The following MTUS2 variants were observed in gnomAD, a reference collection of about 807,000 sequenced individuals.
MTUS2 encodes microtubule-associated tumor suppressor candidate 2.
MTUS2 carries 40 observed loss-of-function variants against 114.1 expected under a neutral mutation model. The observed-to-expected ratio is 0.35, with a 90% CI of 0.27 to 0.46. The LOEUF is 0.46. Among genes scored for constraint, MTUS2 ranks in the 20% least tolerant of loss-of-function variants. The pLI is 1.00. For synonymous variants in MTUS2, 688 were observed against 672.0 expected, an observed-to-expected ratio of 1.02 and a Z score of -0.37; for missense variants, 1,679 against 1,705.4, an observed-to-expected ratio of 0.98 and a Z score of 0.27.
At chr13:29,203,333 A>G (rs1895040117) in intron 5 of MTUS2, among the ~76,000 whole-genome samples, 1 of 152,108 alleles carries the variant, frequency 6.6e-6, no homozygotes. Context: ...CACCTACTCA[A>G]GCCTCAGTAA....
At chr13:29,120,404 A>G (rs1361154942) in intron 5 of MTUS2, among the ~76,000 whole-genome samples, 4 of 152,074 alleles carry the variant, frequency 2.6e-5, no homozygotes, top group African/African-American at 9.7e-5. Flanking sequence ...TTTAAATGGA[A>G]AAAATCAGAA....
chr13:28,872,258 A>T (rs1877661211), intron 2 of MTUS2, among the ~76,000 whole-genome samples: 1 of 152,114 alleles, frequency 6.6e-6, no homozygotes, highest in South Asian at 2.1e-4. Context: ...TGATGAATTC[A>T]TGGGGGGTGT....
chr13:29,426,021 T>A (rs1876496204), intron 8 of MTUS2, among the ~76,000 whole-genome samples: 1 of 152,228 alleles, frequency 6.6e-6, no homozygotes, highest in Admixed American at 6.5e-5. Context: ...GGAAGACGAC[T>A]GAGCTGGAAG....
intron 2 of MTUS2, among the ~76,000 whole-genome samples, chr13:28,986,874 G>T (rs1884611386): frequency 1.3e-5 from 2 of 152,168 alleles, no homozygotes; most frequent in African/African-American, 4.8e-5. Flanking sequence ...CATTGCAAGT[G>T]TTCAGTGGCT....
intron 4 of MTUS2, among the ~76,000 whole-genome samples, chr13:29,043,574 A>AT (rs956133104): frequency 9.5e-4 from 143 of 149,750 alleles, no homozygotes; most frequent in Middle Eastern, 3.5e-3. Flanking sequence ...GTCATATGTC[A>AT]TTTTTTTTAG....
At chr13:29,266,342 C>T (rs1897666484) in intron 5 of MTUS2, among the ~76,000 whole-genome samples, 1 of 152,212 alleles carries the variant, frequency 6.6e-6, no homozygotes, top group South Asian at 2.1e-4. Context: ...GAGCCAAGAT[C>T]TGAACCCAAG....
Position 28,905,095 on chromosome 13 carries a change from C to T in MTUS2, c.-243+65245C>T, listed in dbSNP as rs899781769. Among the ~76,000 whole-genome samples, 35 of 151,718 alleles carry T rather than the reference C, an allele frequency of 2.3e-4. 1 individual carries two copies. Among genetic ancestry groups the T allele is most frequent in the African/African-American group, 7.8e-4 (32 of 41,192 alleles). On this transcript the variant is annotated intron_variant, in intron 2 of 15. Transcript: ENST00000612955. ...TATAAGAATGCTTGTGATTTTTGTACATTGATTTTGTATCCTGAGACTTTG... is the reference window on the plus strand; with the variant it reads ...TATAAGAATGCTTGTGATTTTTGTATATTGATTTTGTATCCTGAGACTTTG...
chr13:28,855,474 T>C (rs1876566061), intron 2 of MTUS2, among the ~76,000 whole-genome samples: 1 of 152,146 alleles, frequency 6.6e-6, no homozygotes, highest in African/African-American at 2.4e-5. Context: ...CCTCCCTGTG[T>C]CTGTATGTTC....
chr13:29,180,666 G>C (rs529188953), intron 5 of MTUS2, among the ~76,000 whole-genome samples: 1 of 152,270 alleles, frequency 6.6e-6, no homozygotes, highest in South Asian at 2.1e-4. Flanking sequence ...CCAGGTCACA[G>C]GTCACTGGCT....
At chr13:29,149,364 A>G (rs1892574081) in intron 5 of MTUS2, among the ~76,000 whole-genome samples, 1 of 152,008 alleles carries the variant, frequency 6.6e-6, no homozygotes, top group African/African-American at 2.4e-5. Context: ...CCACTTTTTA[A>G]TGGGGTTGTT....
chr13:29,485,870 G>A (rs905926144), intron 10 of MTUS2, among the ~76,000 whole-genome samples: 6 of 140,496 alleles, frequency 4.3e-5, no homozygotes, highest in East Asian at 2.5e-4. Flanking sequence ...GCCAAGGGCC[G>A]ATGAAAGGTT....
chr13:28,987,813 GCTGCACAA>G (rs1169107203), intron 2 of MTUS2, among the ~76,000 whole-genome samples: 1 of 152,204 alleles, frequency 6.6e-6, no homozygotes, highest in East Asian at 1.9e-4. Context: ...TGTCTTTAAT[GCTGCACAA>G]CTGTACACTT....
chr13:29,245,180 A>G (rs1335470260), intron 5 of MTUS2, among the ~76,000 whole-genome samples: 2 of 152,118 alleles, frequency 1.3e-5, no homozygotes, highest in East Asian at 1.9e-4. Flanking sequence ...GGAGAGGTAG[A>G]TAGATGTTAA....
chr13:29,489,004 G>T (rs1461887464), intron 11 of MTUS2, among the ~76,000 whole-genome samples: 2 of 152,142 alleles, frequency 1.3e-5, no homozygotes, highest in Non-Finnish European at 2.9e-5. Context: ...TGTATTAAAG[G>T]CCGGGAGCCG....
In MTUS2 at chr13:29,025,017, G is replaced by C; in HGVS notation, c.319G>C (p.Glu107Gln). 6.2e-7 allele frequency: 1 copy of C among 1,613,980 alleles called. No individual in the cohort carries two copies. The highest frequency in any genetic ancestry group is 8.5e-7 in the Non-Finnish European group (1 of 1,179,896). ...TAGACTTTCTTCAACCATTCAGAGG[G>C]AACTCAATGAAGAGCACACAGTGGA... ...DFRLSSTIQR[E>Q]LNEEHTVERG... is the part of the protein sequence containing the mutation. The change falls in exon 3 of 16, where the codon GAA (glutamate) becomes CAA (glutamine). Residue 107 changes from glutamate to glutamine, a missense_variant. Physicochemically the swap from Glu to Gln is conservative, Grantham distance 29. This residue lies in a region of MTUS2 where 843 missense variants were observed against 770.8 expected (regional missense o/e 1.09). Transcript: ENST00000612955.
At chr13:29,491,418 G>A (rs1014676717) in intron 11 of MTUS2, among the ~76,000 whole-genome samples, 6 of 149,182 alleles carry the variant, frequency 4.0e-5, no homozygotes, top group African/African-American at 1.5e-4. Context: ...GTGGGGGTGT[G>A]GAGGAATGTG....
At chr13:29,138,384 T>A (rs956447547) in intron 5 of MTUS2, among the ~76,000 whole-genome samples, 1 of 151,286 alleles carries the variant, frequency 6.6e-6, no homozygotes, top group Non-Finnish European at 1.5e-5. Flanking sequence ...TACTTTGCCA[T>A]CTTCTCAGAA....
chr13:29,213,846 G>A (rs996366507), intron 5 of MTUS2, among the ~76,000 whole-genome samples: 3 of 151,916 alleles, frequency 2.0e-5, no homozygotes, highest in African/African-American at 4.8e-5. Context: ...CTACCATCTT[G>A]CTATATTTTC....
At chr13:29,376,984 A>T (rs1871806249) in intron 8 of MTUS2, among the ~76,000 whole-genome samples, 1 of 152,196 alleles carries the variant, frequency 6.6e-6, no homozygotes, top group Admixed American at 6.5e-5. Context: ...ATATTCATAG[A>T]AGAAGAAGTA....
Sources: gnomAD v4.1 joint callset for allele counts (sites outside exome capture counted in the v4.1 genomes callset) on GRCh38, gnomAD v4.1.1 for gene constraint, gnomAD v4.1.1 regional missense constraint, MANE v1.5 for transcripts, NCBI Gene and HGNC (gene_info 2026-07-23, HGNC 2026-07-21) for gene names.